PRKCE: variants seen among roughly 807,000 people sequenced by gnomAD.
PRKCE encodes the protein protein kinase C epsilon.
Under a neutral mutation model 85.4 loss-of-function variants are expected in PRKCE, and 16 were observed. That is an observed-to-expected ratio of 0.19 (90% CI 0.13 to 0.28). The LOEUF (loss-of-function observed/expected upper bound fraction) is 0.28. Ranked by LOEUF, PRKCE falls within the 10% of genes least tolerant of loss-of-function variation. The probability of loss-of-function intolerance (pLI) is 1.00; values close to 1 mark genes in which losing one functional copy is unlikely to be tolerated. For synonymous variants in PRKCE, 388 were observed against 371.5 expected, an observed-to-expected ratio of 1.04 and a Z score of -0.51; for missense variants, 573 against 975.2, an observed-to-expected ratio of 0.59 and a Z score of 5.49.
At chr2:46,080,768 A>G (rs577917467) in intron 10 of PRKCE, among the ~76,000 whole-genome samples, 23 of 152,316 alleles carry the variant, frequency 1.5e-4, no homozygotes, top group Non-Finnish European at 2.6e-4. Flanking sequence ...GGAGCTGAAC[A>G]TCTCACTGGG....
chr2:45,965,228 T>A (rs949658190), intron 2 of PRKCE, among the ~76,000 whole-genome samples: 3 of 152,250 alleles, frequency 2.0e-5, no homozygotes, highest in African/African-American at 4.8e-5. Context: ...TGAGTACACA[T>A]GTAGAACATA....
intron 1 of PRKCE, among the ~76,000 whole-genome samples, chr2:45,759,241 T>G (rs1265429773): frequency 6.6e-6 from 1 of 152,144 alleles, no homozygotes; most frequent in East Asian, 1.9e-4. Flanking sequence ...ATAAGTGGTA[T>G]GTGGGCTCAT....
At chr2:45,665,621 C>T (rs1675874248) in intron 1 of PRKCE, among the ~76,000 whole-genome samples, 1 of 152,200 alleles carries the variant, frequency 6.6e-6, no homozygotes, top group East Asian at 1.9e-4. Context: ...ATTTCTCTTG[C>T]AGGTGCACTG....
chr2:45,935,273 A>T (rs1306855473), intron 2 of PRKCE, among the ~76,000 whole-genome samples: 1 of 152,168 alleles, frequency 6.6e-6, no homozygotes, highest in African/African-American at 2.4e-5. Context: ...TTTTCTTTGC[A>T]TGATTCTCTG....
Position 45,905,918 on chromosome 2 carries a change from G to A in PRKCE, c.412+62855G>A, listed in dbSNP as rs770766090. ...CCTGGGAGGAAGGATGTGCTTGTGC[G>A]GGGTATGGTGTCTGCCCACATGAAG... is the stretch of plus-strand genomic sequence containing the variant. On this transcript the variant is annotated intron_variant, in intron 2 of 14. Coordinates refer to ENST00000306156, the MANE Select transcript of PRKCE (RefSeq NM_005400.3). The surrounding 1 kb of genome is among the most constrained non-coding windows in gnomAD (Gnocchi z 4.4). 3.9e-5 allele frequency among the ~76,000 whole-genome samples: 6 copies of A among 152,206 alleles called. No homozygotes were observed. Among genetic ancestry groups the A allele is most frequent in the African/African-American group, 9.7e-5 (4 of 41,444 alleles).
intron 14 of PRKCE, among the ~76,000 whole-genome samples, chr2:46,171,371 G>A (rs771639664): frequency 2.8e-4 from 43 of 152,230 alleles, no homozygotes; most frequent in Non-Finnish European, 4.0e-4. Context: ...AGGGGTACAC[G>A]GCAGAATGCA....
intron 10 of PRKCE, among the ~76,000 whole-genome samples, chr2:46,077,070 G>A (rs575540063): frequency 6.6e-6 from 1 of 152,266 alleles, no homozygotes; most frequent in Non-Finnish European, 1.5e-5. Context: ...CTAGTGATTT[G>A]CTGGGCAGCA....
At chr2:45,737,364 G>A (rs920408082) in intron 1 of PRKCE, among the ~76,000 whole-genome samples, 1 of 152,166 alleles carries the variant, frequency 6.6e-6, no homozygotes, top group Admixed American at 6.5e-5. Context: ...CTGAAGCCAG[G>A]CGGAATCAGG....
At position 45,834,915 on chromosome 2, in the gene PRKCE, C is replaced by T. The variant is rs1177564149; in HGVS notation, c.349-8085C>T. Among the ~76,000 whole-genome samples the T allele has an allele frequency of 3.3e-5, 5 of 152,228 alleles. No individual in the cohort carries two copies. In the East Asian group the frequency reaches 5.8e-4, roughly 18 times the overall value. The stretch of plus-strand genomic sequence containing the variant: ...ATATGAGGAAGTTCAGATCCACAAA[C>T]ACACAGACAGATTTAAATAATTCAG... On this transcript the variant is annotated intron_variant, in intron 1 of 14. Transcript: ENST00000306156.
chr2:45,893,251 A>G (rs4953286), intron 2 of PRKCE, among the ~76,000 whole-genome samples: 55,721 of 151,932 alleles, frequency 0.37, 10,527 homozygotes, highest in East Asian at 0.56. Context: ...TGTGAAAATG[A>G]CTGCAGTCCG....
rs562601235 is a variant in PRKCE at position 45,793,921 on chromosome 2, A to G, written c.349-49079A>G. On this transcript the variant is annotated intron_variant, in intron 1 of 14. Transcript: ENST00000306156. The stretch of plus-strand genomic sequence containing the variant: ...ATTTTTTTTTTCTTGCTTGGTTCGG[A>G]TTGGTTCTAGTTATTGGGATATTAA... Among the ~76,000 whole-genome samples, 28 of 151,786 alleles carry G rather than the reference A, an allele frequency of 1.8e-4. No individual in the cohort carries two copies. In the South Asian group the frequency reaches 5.8e-3, roughly 32 times the overall value.
In PRKCE at chr2:45,984,574, C is replaced by T. The variant is rs747150458; in HGVS notation, c.717C>T (p.Val239=). The T allele has an allele frequency of 1.3e-5, 20 of 1,599,794 alleles. No individual in the cohort carries two copies. In the African/African-American group the frequency reaches 2.3e-4, roughly 18 times the overall value. ...AGGTGGGCTCCCAGCGGTTCAGCGT[C>T]AACATGCCCCACAAGTTCGGTATCC... is the stretch of plus-strand genomic sequence containing the variant. ...PDQVGSQRFS[V]NMPHKFGIHN... Residue 239 remains valine (V), a synonymous_variant, in exon 6 of 15, where the codon GTC becomes GTT. Coordinates refer to ENST00000306156, the MANE Select transcript of PRKCE (RefSeq NM_005400.3).
chr2:45,879,426 G>A (rs1694716944), intron 2 of PRKCE, among the ~76,000 whole-genome samples: 1 of 152,194 alleles, frequency 6.6e-6, no homozygotes. Flanking sequence ...CAAGAGCTCA[G>A]GATACAGAAA....
intron 2 of PRKCE, among the ~76,000 whole-genome samples, chr2:45,960,880 G>T (rs1348148676): frequency 6.6e-6 from 1 of 152,170 alleles, no homozygotes; most frequent in Non-Finnish European, 1.5e-5. Flanking sequence ...TACCTGCCCA[G>T]CACAACCTCT....
chr2:46,020,222 G>A (rs1706532098), intron 10 of PRKCE, among the ~76,000 whole-genome samples: 1 of 151,968 alleles, frequency 6.6e-6, no homozygotes, highest in African/African-American at 2.4e-5. Flanking sequence ...TGGGAGCTGG[G>A]TACACAGACC....
chr2:45,924,084 G>A (rs1698440234), intron 2 of PRKCE, among the ~76,000 whole-genome samples: 1 of 152,180 alleles, frequency 6.6e-6, no homozygotes, highest in African/African-American at 2.4e-5. Context: ...TTGATTTGCA[G>A]TCAACAAATG....
At chr2:46,074,372 C>G (rs1382306598) in intron 10 of PRKCE, among the ~76,000 whole-genome samples, 1 of 138,968 alleles carries the variant, frequency 7.2e-6, no homozygotes, top group Admixed American at 8.2e-5. Context: ...GGTTAGTCAG[C>G]GAGATTTCTT....
chr2:45,698,646 G>T (rs1252206753), intron 1 of PRKCE, among the ~76,000 whole-genome samples: 1 of 152,164 alleles, frequency 6.6e-6, no homozygotes, highest in East Asian at 1.9e-4. Context: ...AGCAATGGAA[G>T]TAGGAAACAA....
chr2:45,814,047 C>T (rs1688843248), intron 1 of PRKCE, among the ~76,000 whole-genome samples: 1 of 152,094 alleles, frequency 6.6e-6, no homozygotes, highest in Non-Finnish European at 1.5e-5. Flanking sequence ...TCCGGTCCCC[C>T]CTCCCCCTCC....
Sources: allele counts gnomAD v4.1 joint callset (sites outside exome capture counted in the v4.1 genomes callset), GRCh38; gene constraint gnomAD v4.1.1; non-coding constraint Gnocchi (gnomAD v3.1); transcripts MANE v1.5; gene names NCBI Gene and HGNC (gene_info 2026-07-23, HGNC 2026-07-21).